The following CPS1 variants were observed in gnomAD, a reference collection of about 807,000 sequenced individuals.
CPS1 encodes carbamoyl-phosphate synthase 1.
A neutral mutation model predicts 174.6 loss-of-function variants in CPS1; 109 were observed. The observed-to-expected ratio is 0.62, with a 90% CI of 0.53 to 0.73. CPS1 has a LOEUF of 0.73. CPS1 is among the 30% of genes least tolerant of loss of function. The pLI is 0.00. For synonymous variants in CPS1, 637 were observed against 632.0 expected (o/e 1.01, Z -0.12); for missense variants, 1,689 against 1,821.9 (o/e 0.93, Z 1.33).
At chr2:210,604,581 T>C (rs1413332641) in intron 16 of CPS1, among the ~76,000 whole-genome samples, 1 of 151,950 alleles carries the variant, frequency 6.6e-6, no homozygotes, top group Non-Finnish European at 1.5e-5. Flanking sequence ...TTCTTCTAAT[T>C]CTCAAGTTTT....
intron 25 of CPS1, among the ~76,000 whole-genome samples, chr2:210,645,010 C>G (rs943428866): frequency 6.6e-6 from 1 of 152,104 alleles, no homozygotes; most frequent in African/African-American, 2.4e-5. Flanking sequence ...ACTATTCAGG[C>G]CTGATGGCTA....
chr2:210,648,116 A>C, intron 26 of CPS1, 59 bp downstream of exon 26: 1 of 1,517,738 alleles, frequency 6.6e-7, no homozygotes, highest in Non-Finnish European at 9.1e-7. Flanking sequence ...TGCAACCTGA[A>C]TGTTGACTGA....
intron 1 of CPS1, among the ~76,000 whole-genome samples, chr2:210,565,191 G>A (rs1044147227): frequency 1.3e-5 from 2 of 151,918 alleles, no homozygotes; most frequent in African/African-American, 2.4e-5. Context: ...TAAATATTGT[G>A]TGTGAAAAAA....
chr2:210,561,525 C>T (rs1241110836), intron 1 of CPS1, among the ~76,000 whole-genome samples: 2 of 152,126 alleles, frequency 1.3e-5, no homozygotes, highest in Non-Finnish European at 2.9e-5. Flanking sequence ...TTCATATTTC[C>T]AACCTGTTCC....
Position 210,594,613 on chromosome 2 carries a change from A to T in CPS1, c.1263+7A>T, listed in dbSNP as rs1186887790. On this transcript the variant is annotated splice_region_variant and intron_variant, in intron 12 of 37. Coordinates refer to ENST00000233072, the MANE Select transcript of CPS1 (RefSeq NM_001875.5). Reference sequence around the variant, plus strand: ...AGTTGCATCTCGGGTTGAGGTCAGTATGTGGGCTTATTTTTGGTTTATGAA... The same window carrying T: ...AGTTGCATCTCGGGTTGAGGTCAGTTTGTGGGCTTATTTTTGGTTTATGAA... 1 of 1,598,426 alleles carries T rather than the reference A, an allele frequency of 6.3e-7. No homozygotes were observed. The highest frequency in any genetic ancestry group is 1.7e-5 in the Admixed American group (1 of 59,748).
chr2:210,625,224 G>A (rs1159315510), intron 21 of CPS1, among the ~76,000 whole-genome samples: 1 of 151,850 alleles, frequency 6.6e-6, no homozygotes, highest in Admixed American at 6.6e-5. Context: ...ATTATTTATT[G>A]GGTATCTACT....
rs1054529714 is a variant in CPS1, at chr2:210,660,797, A to C, written c.3927+142A>C. On this transcript the variant is annotated intron_variant, in intron 32 of 37. Transcript: ENST00000233072. ...GATTTACATTTCCTTTCAATAATGT[A>C]CTGCAGTTGTACTATAGGCAACTTT... 4.6e-6 allele frequency: 4 copies of C among 863,602 alleles called. No homozygotes were observed. The Admixed American group carries it at 8.8e-5, about 19-fold the overall frequency. 53.5% of individuals were successfully genotyped at this position (863,602 alleles called of 1,614,324 possible). A position where few individuals can be genotyped will look rare whatever the true frequency, so the allele number is the denominator to read the frequency against.
intron 5 of CPS1, among the ~76,000 whole-genome samples, chr2:210,581,546 A>G (rs1051953672): frequency 6.6e-6 from 1 of 152,114 alleles, no homozygotes; most frequent in Admixed American, 6.6e-5. Flanking sequence ...CTAAAAACCA[A>G]TTTTCAAAAT....
At chr2:210,554,271 G>GTA (rs1484067532), upstream of CPS1, among the ~76,000 whole-genome samples, 3 of 145,288 alleles carry the variant, frequency 2.1e-5, no homozygotes, top group Non-Finnish European at 4.5e-5. Flanking sequence ...ATATATGTAT[G>GTA]TATATATATA....
intron 37 of CPS1, 151 bp from the exon 38 acceptor site, chr2:210,677,736 G>T (rs1701579263): frequency 3.9e-6 from 3 of 761,510 alleles, no homozygotes; most frequent in South Asian, 1.4e-5. Context: ...TGAGACATGG[G>T]AGAAAGTCTC....
chr2:210,658,022 C>A (rs1047708182), intron 30 of CPS1, among the ~76,000 whole-genome samples: 4 of 152,162 alleles, frequency 2.6e-5, no homozygotes, highest in Non-Finnish European at 5.9e-5. Context: ...ATCAATGCCC[C>A]CTCTTGGTAT....
intron 1 of CPS1, among the ~76,000 whole-genome samples, chr2:210,549,976 A>T (rs780734628): frequency 6.6e-6 from 1 of 152,070 alleles, no homozygotes; most frequent in African/African-American, 2.4e-5. Flanking sequence ...ACTTCAAGCA[A>T]TAAGATGCAA....
intron 1 of CPS1, among the ~76,000 whole-genome samples, chr2:210,565,459 A>T (rs889698627): frequency 6.6e-6 from 1 of 152,166 alleles, no homozygotes; most frequent in Non-Finnish European, 1.5e-5. Context: ...CATATTAGCT[A>T]CAATCCTTGG....
chr2:210,658,489 G>C, intron 30 of CPS1, 110 bp from the exon 31 acceptor site: 1 of 774,396 alleles, frequency 1.3e-6, no homozygotes, highest in Admixed American at 2.0e-5. Flanking sequence ...ATAGCTGTCT[G>C]TGAAGAGAAA....
In CPS1 at chr2:210,648,080, G is replaced by C. The variant is rs763480349; in HGVS notation, c.3336+23G>C. On this transcript the variant is annotated intron_variant, in intron 26 of 37. Transcript: ENST00000233072. ...TTGGTAAGGAGAGAAACAAGTATCT[G>C]TTTCTAATGTTCTATTTTGAAGAGC... 6 of 1,609,488 alleles carry C rather than the reference G, an allele frequency of 3.7e-6. No homozygotes were observed. The East Asian group carries it at 6.7e-5, about 18-fold the overall frequency.
At chr2:210,572,011 T>A (rs1431053382) in intron 1 of CPS1, among the ~76,000 whole-genome samples, 1 of 150,488 alleles carries the variant, frequency 6.6e-6, no homozygotes, top group African/African-American at 2.4e-5. Flanking sequence ...AGAATTAGTA[T>A]TTTTTTTTGT....
At chr2:210,582,577 G>A (rs377168306) in intron 5 of CPS1, 40 bp from the exon 6 acceptor site, 11 of 1,479,162 alleles carry the variant, frequency 7.4e-6, no homozygotes, top group East Asian at 2.3e-5. Flanking sequence ...CACCTTTATC[G>A]TTGCTTCCTT....
intron 1 of CPS1, among the ~76,000 whole-genome samples, chr2:210,545,519 A>G (rs576645248): frequency 6.6e-6 from 1 of 152,036 alleles, no homozygotes; most frequent in African/African-American, 2.4e-5. Flanking sequence ...TTATAATTTC[A>G]TAAGTTTTTG....
At chr2:210,580,444 T>C (rs892591850) in intron 5 of CPS1, among the ~76,000 whole-genome samples, 3 of 152,032 alleles carry the variant, frequency 2.0e-5, no homozygotes, top group Non-Finnish European at 4.4e-5. Context: ...ACTTGAAATT[T>C]CCATATTCCA....
Sources: gnomAD v4.1 joint callset for allele counts (sites outside exome capture counted in the v4.1 genomes callset) on GRCh38, gnomAD v4.1.1 for gene constraint, MANE v1.5 for transcripts, NCBI Gene and HGNC (gene_info 2026-07-23, HGNC 2026-07-21) for gene names.